The following CELF2 variants were observed in gnomAD, a reference collection of about 807,000 sequenced individuals.
The protein encoded by CELF2 is CUGBP Elav-like family member 2.
Under a neutral mutation model 62.6 loss-of-function variants are expected in CELF2, and 8 were observed. That is an observed-to-expected ratio of 0.13 (90% CI 0.07 to 0.23). The LOEUF is 0.23. Ranked by LOEUF, CELF2 falls within the 10% of genes least tolerant of loss-of-function variation. The probability of loss-of-function intolerance (pLI) is 1.00; values close to 1 mark genes in which losing one functional copy is unlikely to be tolerated. For synonymous variants in CELF2, 258 were observed against 250.0 expected (o/e 1.03, Z -0.30); for missense variants, 333 against 671.0 (o/e 0.50, Z 5.56).
Position 11,315,350 on chromosome 10 carries a change from T to G in CELF2, c.1096+1092T>G, listed in dbSNP as rs2094881524. Among the ~76,000 whole-genome samples the G allele has an allele frequency of 6.6e-6, 1 of 152,178 alleles. No individual in the cohort carries two copies. The highest frequency in any genetic ancestry group is 2.4e-5 in the African/African-American group (1 of 41,440). ...TTAATAAAGGAGTCCGTGACAGTTGTTGCCCTATTTTAAGCCATGGTTCAA... is the reference window on the plus strand; with the variant it reads ...TTAATAAAGGAGTCCGTGACAGTTGGTGCCCTATTTTAAGCCATGGTTCAA... On this transcript the variant is annotated intron_variant, in intron 10 of 12. Coordinates refer to ENST00000633077, the MANE Select transcript of CELF2 (RefSeq NM_001326342.2). This position sits in a 1 kb window ranked among gnomAD's most constrained non-coding sequence, Gnocchi z 5.8.
intron 1 of CELF2, among the ~76,000 whole-genome samples, chr10:10,801,470 G>C (rs1333280217): frequency 6.6e-6 from 1 of 152,218 alleles, no homozygotes; most frequent in East Asian, 1.9e-4. Context: ...AACACAGCCT[G>C]ATAAATGGGT....
the CELF2 span, among the ~76,000 whole-genome samples, chr10:10,490,229 A>G: frequency 3.3e-5 from 5 of 152,284 alleles, no homozygotes; most frequent in East Asian, 3.9e-4. Flanking sequence ...CTAAATTAGA[A>G]ACAATCCTAT....
chr10:10,825,952 T>C (rs2057355783), intron 1 of CELF2, among the ~76,000 whole-genome samples: 1 of 152,180 alleles, frequency 6.6e-6, no homozygotes, highest in African/African-American at 2.4e-5. Context: ...ATTATCTATA[T>C]CCAATGAGCG....
chr10:10,775,261 C>G, the CELF2 span, among the ~76,000 whole-genome samples: 1 of 152,150 alleles, frequency 6.6e-6, no homozygotes, highest in African/African-American at 2.4e-5. Context: ...TGCAAAGGCC[C>G]TGACAGAGGA....
intron 9 of CELF2, among the ~76,000 whole-genome samples, chr10:11,298,087 C>T (rs2093369427): frequency 6.6e-6 from 1 of 152,160 alleles, no homozygotes; most frequent in African/African-American, 2.4e-5. Context: ...TATCTGTAGA[C>T]CAAAGAGAAG....
At chr10:11,282,878 G>A (rs1283177751) in intron 8 of CELF2, among the ~76,000 whole-genome samples, 2 of 152,202 alleles carry the variant, frequency 1.3e-5, no homozygotes, top group East Asian at 3.8e-4. Flanking sequence ...GTCACCAGTG[G>A]AGCTTGTGTT....
In CELF2 at chr10:11,309,762, C is replaced by T. The variant is rs1465491786; in HGVS notation, c.977-4377C>T. 6.6e-5 allele frequency among the ~76,000 whole-genome samples: 10 copies of T among 152,232 alleles called. No homozygotes were observed. ...CTCTGCTAAGCTTTCAGCTGGTCTA[C>T]TTTGCCATCATGGAGCTACTGCCTA... On this transcript the variant is annotated intron_variant, in intron 9 of 12. Transcript: ENST00000633077. The surrounding 1 kb of genome is among the most constrained non-coding windows in gnomAD (Gnocchi z 5.6).
At chr10:11,049,583 T>C (rs1028167575) in intron 1 of CELF2, among the ~76,000 whole-genome samples, 1 of 73,970 alleles carries the variant, frequency 1.4e-5, no homozygotes, top group African/African-American at 4.0e-5. Flanking sequence ...AAAAAAAAAA[T>C]ACTAATTTTT....
At chr10:11,137,745 G>C (rs2060661552) in intron 1 of CELF2, among the ~76,000 whole-genome samples, 1 of 152,212 alleles carries the variant, frequency 6.6e-6, no homozygotes, top group Admixed American at 6.5e-5. Flanking sequence ...GCTCCACAGA[G>C]TAACTTACTG....
intron 6 of CELF2, 92 bp downstream of exon 6, chr10:11,266,769 A>G: frequency 2.1e-6 from 2 of 932,328 alleles, no homozygotes. Flanking sequence ...TTCACATGAC[A>G]ATCACAGATG....
At chr10:10,592,275 G>C in the CELF2 span, among the ~76,000 whole-genome samples, 2 of 152,162 alleles carry the variant, frequency 1.3e-5, no homozygotes, top group Admixed American at 6.5e-5. Context: ...TATCAACTCT[G>C]TCTCAGGGTG....
At chr10:11,129,874 C>G (rs1278825434) in intron 1 of CELF2, among the ~76,000 whole-genome samples, 1 of 152,176 alleles carries the variant, frequency 6.6e-6, no homozygotes, top group African/African-American at 2.4e-5. Flanking sequence ...CTGTCTCCTT[C>G]AGTTCTGCTC....
chr10:10,620,620 A>G, the CELF2 span, among the ~76,000 whole-genome samples: 1 of 151,860 alleles, frequency 6.6e-6, no homozygotes. Context: ...GGCTCAGTAG[A>G]GGCAGGGCGT....
intron 1 of CELF2, among the ~76,000 whole-genome samples, chr10:11,036,796 G>T (rs7092032): frequency 0.4 from 61,272 of 152,050 alleles, 12,917 homozygotes; most frequent in East Asian, 0.77. Context: ...GTATGGCCTG[G>T]GTGTTGGTTG....
chr10:11,208,474 G>GACATGAC (rs1019895140), intron 2 of CELF2, among the ~76,000 whole-genome samples: 112 of 152,288 alleles, frequency 7.4e-4, no homozygotes, highest in African/African-American at 2.7e-3. Flanking sequence ...GGACAAAAAG[G>GACATGAC]ACATGACGTA....
intron 1 of CELF2, among the ~76,000 whole-genome samples, chr10:11,076,460 C>G (rs948100079): frequency 6.6e-6 from 1 of 152,152 alleles, no homozygotes; most frequent in Non-Finnish European, 1.5e-5. Context: ...GCACAGCTTG[C>G]TTTAATATCT....
chr10:10,869,846 T>C (rs1344062320), intron 1 of CELF2, among the ~76,000 whole-genome samples: 1 of 152,108 alleles, frequency 6.6e-6, no homozygotes, highest in Admixed American at 6.6e-5. Flanking sequence ...CTGAATGCGG[T>C]GACATGTTTC....
chr10:10,896,107 A>C (rs538121278), intron 1 of CELF2, among the ~76,000 whole-genome samples: 1 of 152,322 alleles, frequency 6.6e-6, no homozygotes, highest in South Asian at 2.1e-4. Context: ...TGATGTATAC[A>C]TGTAAAGAAA....
chr10:11,074,155 A>G (rs575468411), intron 1 of CELF2, among the ~76,000 whole-genome samples: 2 of 152,332 alleles, frequency 1.3e-5, no homozygotes. Context: ...TTGATCAGCA[A>G]AATGTCTATT....
Sources: gnomAD v4.1 joint callset for allele counts (sites outside exome capture counted in the v4.1 genomes callset) on GRCh38, gnomAD v4.1.1 for gene constraint, Gnocchi (gnomAD v3.1) non-coding constraint, MANE v1.5 for transcripts, NCBI Gene and HGNC (gene_info 2026-07-23, HGNC 2026-07-21) for gene names.